The following VPS41 variants were observed in gnomAD, a reference collection of about 807,000 sequenced individuals.
VPS41 encodes VPS41 subunit of HOPS complex.
VPS41 carries 85 observed loss-of-function variants against 130.9 expected under a neutral mutation model. The ratio of observed to expected loss-of-function variants is 0.65; its 90% CI spans 0.55 to 0.78. The LOEUF (loss-of-function observed/expected upper bound fraction) is 0.78. Ranked by LOEUF, VPS41 falls within the 30% of genes least tolerant of loss-of-function variation. The pLI is 0.00. For missense variants in VPS41, 874 were observed against 1,018.7 expected, an observed-to-expected ratio of 0.86 and a Z score of 1.93; for synonymous variants, 335 against 332.9, an observed-to-expected ratio of 1.01 and a Z score of -0.07.
At chr7:38,773,472 A>G (rs1476873653) in intron 12 of VPS41, among the ~76,000 whole-genome samples, 1 of 152,216 alleles carries the variant, frequency 6.6e-6, no homozygotes, top group Non-Finnish European at 1.5e-5. Context: ...AATATTCTCA[A>G]CAAATGTCAA....
At chr7:38,760,614 TC>T in intron 17 of VPS41, among the ~76,000 whole-genome samples, 1 of 152,036 alleles carries the variant, frequency 6.6e-6, no homozygotes, top group South Asian at 2.1e-4. Flanking sequence ...GCTTGCTCTT[TC>T]CCCTTTAAAT....
At chr7:38,908,132 T>A (rs1787309253) in intron 1 of VPS41, among the ~76,000 whole-genome samples, 1 of 152,160 alleles carries the variant, frequency 6.6e-6, no homozygotes, top group South Asian at 2.1e-4. Context: ...ATTATTGAAC[T>A]AGGTAAATGA....
At chr7:38,871,090 C>T (rs957517123) in intron 2 of VPS41, among the ~76,000 whole-genome samples, 3 of 152,116 alleles carry the variant, frequency 2.0e-5, no homozygotes, top group East Asian at 1.9e-4. Context: ...TGGAAAGGAA[C>T]AAGAGCAACA....
At chr7:38,796,911 T>G in intron 7 of VPS41, 47 bp from the exon 8 acceptor site, 1 of 1,610,214 alleles carries the variant, frequency 6.2e-7, no homozygotes, top group East Asian at 2.2e-5. Flanking sequence ...CTGAAAATAA[T>G]GTATCAGGTT....
chr7:38,806,057 T>C (rs1056514867), intron 7 of VPS41, among the ~76,000 whole-genome samples: 33 of 152,164 alleles, frequency 2.2e-4, no homozygotes, highest in Admixed American at 1.6e-3. Flanking sequence ...AATAAAAATG[T>C]TCAAAATCAC....
chr7:38,811,596 TACACAC>T (rs35859906), intron 7 of VPS41, among the ~76,000 whole-genome samples: 88 of 148,668 alleles, frequency 5.9e-4, no homozygotes, highest in African/African-American at 2.0e-3. Context: ...TGTTTTGTCA[TACACAC>T]ACACACACAC....
chr7:38,862,661 ATAC>A lies in VPS41; in HGVS notation c.169-42_169-40del, dbSNP rs762564919. 3 of 1,237,516 alleles carry A rather than the reference ATAC, an allele frequency of 2.4e-6. No homozygotes were observed. The South Asian group carries it at 3.8e-5, about 16-fold the overall frequency. 76.7% of individuals were successfully genotyped at this position (1,237,516 alleles called of 1,614,324 possible). A position where few individuals can be genotyped will look rare whatever the true frequency, so the allele number is the denominator to read the frequency against. ...AAAGAGGCCAGTTAATTAATTAATA[ATAC>A]TATTAATACACAAGTAGTAACAAAA... On this transcript the variant is annotated intron_variant, in intron 3 of 28. Transcript: ENST00000310301.
chr7:38,815,275 T>A (rs1284718777), intron 7 of VPS41, among the ~76,000 whole-genome samples: 1 of 151,748 alleles, frequency 6.6e-6, no homozygotes, highest in Non-Finnish European at 1.5e-5. Flanking sequence ...AATACAAAAA[T>A]CAGCTGGGTA....
chr7:38,898,818 G>C (rs1285798784), intron 1 of VPS41, among the ~76,000 whole-genome samples: 1 of 152,188 alleles, frequency 6.6e-6, no homozygotes, highest in Non-Finnish European at 1.5e-5. Flanking sequence ...CTGATGCCAT[G>C]CATCCTCAAA....
At chr7:38,789,909 A>G (rs772056305) in intron 9 of VPS41, 42 bp from the exon 10 acceptor site, 1 of 1,601,840 alleles carries the variant, frequency 6.2e-7, no homozygotes, top group African/African-American at 1.3e-5. Context: ...ATTTGATGGA[A>G]AATTCTTCAT....
chr7:38,767,562 T>C lies in VPS41; in HGVS notation c.1222A>G (p.Arg408Gly). The change falls in exon 15 of 29, where the codon AGA (arginine) becomes GGA (glycine). Residue 408 changes from arginine (R) to glycine (G), a missense_variant. Coordinates refer to ENST00000310301, the MANE Select transcript of VPS41 (RefSeq NM_014396.4). The part of the protein sequence containing the change: ...GLAYINHLVE[R>G]GDYDIAARKC... ...CGTGCTGCTATGTCATAGTCTCCTC[T>C]CTCCACCAGGTGATTTATATATGCC... is the stretch of plus-strand genomic sequence containing the variant. 2 of 1,610,140 alleles carry C rather than the reference T, an allele frequency of 1.2e-6. No homozygotes were observed. The highest frequency in any genetic ancestry group is 1.7e-6 in the Non-Finnish European group (2 of 1,177,600).
At chr7:38,885,029 T>C (rs1786692633) in intron 2 of VPS41, among the ~76,000 whole-genome samples, 1 of 152,240 alleles carries the variant, frequency 6.6e-6, no homozygotes, top group Non-Finnish European at 1.5e-5. Context: ...TACTTCTAAA[T>C]ATATAATACA....
chr7:38,747,560 A>G (rs1474069969), intron 22 of VPS41, among the ~76,000 whole-genome samples: 1 of 152,244 alleles, frequency 6.6e-6, no homozygotes, highest in Non-Finnish European at 1.5e-5. Context: ...AGACAGAACC[A>G]TTACCCATTT....
intron 3 of VPS41, among the ~76,000 whole-genome samples, chr7:38,865,766 T>C (rs1197101513): frequency 2.0e-5 from 3 of 152,124 alleles, no homozygotes; most frequent in Admixed American, 2.0e-4. Context: ...ACACATCTAA[T>C]TCATGCCCAG....
At chr7:38,783,908 T>C (rs1474254458) in intron 10 of VPS41, among the ~76,000 whole-genome samples, 1 of 152,238 alleles carries the variant, frequency 6.6e-6, no homozygotes, top group African/African-American at 2.4e-5. Flanking sequence ...TTTTTATTAC[T>C]TGTACCTCTG....
chr7:38,816,519 G>A (rs1304830942), intron 7 of VPS41, among the ~76,000 whole-genome samples: 2 of 152,174 alleles, frequency 1.3e-5, no homozygotes, highest in African/African-American at 2.4e-5. Context: ...AATAGCTATA[G>A]ACTACTTCCT....
intron 10 of VPS41, among the ~76,000 whole-genome samples, chr7:38,781,309 T>C (rs1043588588): frequency 6.6e-6 from 1 of 152,232 alleles, no homozygotes; most frequent in Non-Finnish European, 1.5e-5. Flanking sequence ...ACACTAGCCA[T>C]ACCACAAAGA....
chr7:38,855,919 T>C (rs762894381), intron 4 of VPS41, among the ~76,000 whole-genome samples: 4 of 152,140 alleles, frequency 2.6e-5, no homozygotes, highest in African/African-American at 4.8e-5. Flanking sequence ...CAAAATATCA[T>C]AGAGTGGCTT....
chr7:38,743,570 G>C, intron 23 of VPS41, 28 bp from the exon 24 acceptor site: 1 of 1,605,996 alleles, frequency 6.2e-7, no homozygotes, highest in Non-Finnish European at 8.5e-7. Context: ...GGGAGAAAGA[G>C]TTCATTTAAG....
Sources: allele counts gnomAD v4.1 joint callset (sites outside exome capture counted in the v4.1 genomes callset), GRCh38; gene constraint gnomAD v4.1.1; transcripts MANE v1.5; gene names NCBI Gene and HGNC (gene_info 2026-07-23, HGNC 2026-07-21).